TPRA1: variants seen among roughly 807,000 people sequenced by gnomAD.
TPRA1 encodes the protein transmembrane protein adipocyte-associated 1.
TPRA1 carries 28 observed loss-of-function variants against 40.1 expected under a neutral mutation model. The ratio of observed to expected loss-of-function variants is 0.70; its 90% CI spans 0.52 to 0.96. The LOEUF is 0.96. Ranked by LOEUF, TPRA1 falls within the 40% of genes least tolerant of loss-of-function variation. The pLI, the probability that TPRA1 is intolerant of heterozygous loss-of-function variation, is 0.00. For synonymous variants in TPRA1, 219 were observed against 209.7 expected (o/e 1.04, Z -0.38); for missense variants, 441 against 482.6 (o/e 0.91, Z 0.81).
upstream of TPRA1, chr3:127,591,869 C>CCTCTG (rs1398283829): frequency 1.3e-5 from 2 of 152,206 alleles, no homozygotes; most frequent in Non-Finnish European, 2.9e-5. Context: ...TCAGTTATTA[C>CCTCTG]AGGCACCCCA....
At chr3:127,579,435 G>C (rs2073752994) in intron 3 of TPRA1, among the ~76,000 whole-genome samples, 1 of 152,068 alleles carries the variant, frequency 6.6e-6, no homozygotes, top group South Asian at 2.1e-4. Flanking sequence ...GGGATCCTAG[G>C]TGGGCCAGTC....
At chr3:127,594,603 T>G (rs2074223997), upstream of TPRA1, among the ~76,000 whole-genome samples, 1 of 152,166 alleles carries the variant, frequency 6.6e-6, no homozygotes. Flanking sequence ...CCCTCTAATA[T>G]GTAAATTCAG....
chr3:127,591,468 C>T (rs1366860767), upstream of TPRA1, among the ~76,000 whole-genome samples: 1 of 152,162 alleles, frequency 6.6e-6, no homozygotes, highest in Non-Finnish European at 1.5e-5. Flanking sequence ...TCTGGAAAGC[C>T]CTCCCTGATT....
At chr3:127,587,949 C>G (rs2074048452) in intron 1 of TPRA1, 1 of 152,588 alleles carries the variant, frequency 6.6e-6, no homozygotes, top group Non-Finnish European at 1.5e-5. Flanking sequence ...TGCCCCCACT[C>G]CCCTGCCAAC....
chr3:127,577,607 G>A (rs975816854), intron 3 of TPRA1, among the ~76,000 whole-genome samples: 5 of 152,104 alleles, frequency 3.3e-5, no homozygotes, highest in Admixed American at 2.6e-4. Context: ...CCAGGCAAAA[G>A]GTCACCGAGA....
chr3:127,573,976 C>T (rs1177367981), intron 10 of TPRA1, among the ~76,000 whole-genome samples, 188 bp from the exon 11 acceptor site: 1 of 152,182 alleles, frequency 6.6e-6, no homozygotes, highest in Non-Finnish European at 1.5e-5. Flanking sequence ...AGCCCTCCTC[C>T]CCCTGGCTGT....
intron 1 of TPRA1, 164 bp from the exon 2 acceptor site, chr3:127,580,327 C>T (rs536772162): frequency 2.6e-5 from 19 of 731,784 alleles, no homozygotes; most frequent in Non-Finnish European, 3.4e-5. Flanking sequence ...ACACAGGTCA[C>T]GACCCAATCC....
intron 10 of TPRA1, among the ~76,000 whole-genome samples, chr3:127,574,219 G>A (rs1451685951): frequency 3.3e-5 from 5 of 152,196 alleles, no homozygotes; most frequent in African/African-American, 9.6e-5. Flanking sequence ...CTCCAAGGGG[G>A]ACACACTACA....
intron 1 of TPRA1, chr3:127,580,447 T>C (rs2073796014): frequency 2.2e-5 from 8 of 361,884 alleles, no homozygotes; most frequent in South Asian, 2.2e-4. Flanking sequence ...CACAGCCACT[T>C]GGCTCCTTTC....
chr3:127,582,859 T>G (rs2073876105), intron 1 of TPRA1, among the ~76,000 whole-genome samples: 1 of 128,260 alleles, frequency 7.8e-6, no homozygotes, highest in Admixed American at 7.7e-5. Context: ...AATACAAAAT[T>G]AGGGCCAGGC....
intron 1 of TPRA1, among the ~76,000 whole-genome samples, chr3:127,586,100 C>T (rs1306721871): frequency 6.6e-6 from 1 of 152,178 alleles, no homozygotes; most frequent in African/African-American, 2.4e-5. Flanking sequence ...GAGGCAAAGG[C>T]ATGTGATGCC....
intron 1 of TPRA1, among the ~76,000 whole-genome samples, chr3:127,589,321 C>A (rs2074095964): frequency 6.6e-6 from 1 of 152,098 alleles, no homozygotes; most frequent in South Asian, 2.1e-4. Flanking sequence ...TGACCAAACC[C>A]CACCCACAGC....
rs2074248134 is a variant in TPRA1 at position 127,596,860 on chromosome 3, TA to T, written c.-391+1146del. On this transcript the variant is annotated intron_variant, in intron 1 of 3. Transcript: ENST00000462228. ...GGCCGGGCGTGGTGGCTCACGCCTG[TA>T]ATCCTAGCACTATGGGAGGCCAAGG... 2.0e-5 allele frequency among the ~76,000 whole-genome samples: 3 copies of T among 152,206 alleles called. No individual in the cohort carries two copies. The South Asian group carries it at 6.2e-4, about 32-fold the overall frequency.
In TPRA1 at chr3:127,575,488, C is replaced by G; in HGVS notation, c.688G>C (p.Val230Leu). The stretch of plus-strand genomic sequence containing the variant: ...AGCAGTGCCAGGATGCCCGCATACA[C>G]GTAGAAGCTCCTCCGAGCTGGGGGC... ...ISLPSRRSFY[V>L]YAGILALLNL... The change falls in exon 9 of 11, where the codon GTG becomes CTG. Residue 230 changes from valine (V) to leucine (L), a missense_variant. Transcript: ENST00000355552. The G allele has an allele frequency of 6.3e-7, 1 of 1,587,488 alleles. No individual in the cohort carries two copies. Among genetic ancestry groups the G allele is most frequent in the Non-Finnish European group, 8.6e-7 (1 of 1,167,864 alleles).
upstream of TPRA1, among the ~76,000 whole-genome samples, chr3:127,593,820 C>T (rs989907490): frequency 1.3e-5 from 2 of 152,340 alleles, no homozygotes; most frequent in South Asian, 4.1e-4. Flanking sequence ...GCACGGCCCC[C>T]GCTTCTCAGG....
rs914800654 is a variant in TPRA1, at chr3:127,571,307, T to A, written c.*2214A>T. On this transcript the variant is annotated 3_prime_UTR_variant, in exon 11 of 11. Coordinates refer to ENST00000355552, the MANE Select transcript of TPRA1 (RefSeq NM_001136053.4). ...AGACAGCTGTGTATCTAGCGAAAAA[T>A]CAGGGATTCTCTTCCAATGGAGAAA... is the stretch of plus-strand genomic sequence containing the variant. The A allele has an allele frequency of 6.6e-6, 1 of 152,120 alleles. No homozygotes were observed. Among genetic ancestry groups the A allele is most frequent in the Non-Finnish European group, 1.5e-5 (1 of 68,020 alleles). The allele number at this position is 152,120 out of a possible 1,614,324, so 9.4% of individuals were successfully genotyped here. A position where few individuals can be genotyped will look rare whatever the true frequency, so the allele number is the denominator to read the frequency against.
chr3:127,583,891 G>T (rs1015172476), intron 1 of TPRA1, among the ~76,000 whole-genome samples: 4 of 151,812 alleles, frequency 2.6e-5, no homozygotes, highest in African/African-American at 4.8e-5. Context: ...GGATGGTCTC[G>T]ATCTCCTGAC....
chr3:127,574,968 A>G (rs2073535910), intron 10 of TPRA1: 2 of 598,138 alleles, frequency 3.3e-6, no homozygotes, highest in South Asian at 2.0e-5. Flanking sequence ...CCGTGTGTGC[A>G]TGTGCACGTG....
chr3:127,591,613 C>A (rs1168101853), upstream of TPRA1, among the ~76,000 whole-genome samples: 2 of 152,240 alleles, frequency 1.3e-5, no homozygotes, highest in African/African-American at 4.8e-5. Flanking sequence ...AGAGCTGGCT[C>A]CTTGCCACAT....
Sources: gnomAD v4.1 joint callset for allele counts (sites outside exome capture counted in the v4.1 genomes callset) on GRCh38, gnomAD v4.1.1 for gene constraint, MANE v1.5 for transcripts, NCBI Gene and HGNC (gene_info 2026-07-23, HGNC 2026-07-21) for gene names.